Variants in ABHD15 observed in about 807,000 individuals in gnomAD.
The protein encoded by ABHD15 is protein ABHD15.
Under a neutral mutation model 34.4 loss-of-function variants are expected in ABHD15, and 34 were observed. The observed-to-expected ratio is 0.99, with a 90% CI of 0.75 to 1.32. The LOEUF is 1.32. Ranked by LOEUF, ABHD15 falls within the 40% of genes most tolerant of loss-of-function variation. The pLI, the probability that ABHD15 is intolerant of heterozygous loss-of-function variation, is 0.00. For missense variants in ABHD15, 644 were observed against 650.4 expected (o/e 0.99, Z 0.11); for synonymous variants, 314 against 299.2 (o/e 1.05, Z -0.51).
At chr17:29,564,872 C>T (rs1182475307) in intron 1 of ABHD15, among the ~76,000 whole-genome samples, 1 of 152,146 alleles carries the variant, frequency 6.6e-6, no homozygotes, top group Non-Finnish European at 1.5e-5. Context: ...CTAGGAATGT[C>T]ACCTGAGCCC....
chr17:29,566,185 C>G lies in ABHD15; in HGVS notation c.782G>C (p.Cys261Ser). 1.2e-6 allele frequency: 2 copies of G among 1,609,668 alleles called. No individual in the cohort carries two copies. The highest frequency in any genetic ancestry group is 2.2e-5 in the South Asian group (2 of 90,918). ...TCGGCAGCGCAGCACGGGCGAGATGCAGGCGGCGCCTGTCACGTAGCTGGA... is the reference window on the plus strand; with the variant it reads ...TCGGCAGCGCAGCACGGGCGAGATGGAGGCGGCGCCTGTCACGTAGCTGGA... ...GSSSYVTGAA[C>S]ISPVLRCREW... Residue 261 changes from cysteine (C) to serine (S), a missense_variant, in exon 1 of 2, where the codon TGC (cysteine) becomes TCC (serine). Cys to Ser is a moderately radical substitution (Grantham distance 112). Coordinates refer to ENST00000307201, the MANE Select transcript of ABHD15 (RefSeq NM_198147.3).
In ABHD15 at chr17:29,562,771, G is replaced by A. The variant is rs1407925426; in HGVS notation, c.1197C>T (p.Pro399=). 6.2e-7 allele frequency: 1 copy of A among 1,613,826 alleles called. No individual in the cohort carries two copies. Among genetic ancestry groups the A allele is most frequent in the Non-Finnish European group, 8.5e-7 (1 of 1,179,766 alleles). The stretch of plus-strand genomic sequence containing the variant: ...TGACCTCATGGCTCCAGGCTGGCAA[G>A]GGCTCCTGGCGCAGGAAGCCACAGT... The part of the protein sequence containing the change: ...GGHCGFLRQE[P]LPAWSHEVIL... The change falls in exon 2 of 2, where the codon CCC becomes CCT. Residue 399 remains proline, a synonymous_variant. Coordinates refer to ENST00000307201, the MANE Select transcript of ABHD15 (RefSeq NM_198147.3).
chr17:29,566,322 G>C lies in ABHD15; in HGVS notation c.645C>G (p.Leu215=). The C allele has an allele frequency of 6.2e-7, 1 of 1,611,554 alleles. No homozygotes were observed. The highest frequency in any genetic ancestry group is 8.5e-7 in the Non-Finnish European group (1 of 1,179,096). Residue 215 remains leucine (L), a synonymous_variant, in exon 1 of 2, where the codon CTC becomes CTG. Transcript: ENST00000307201. ...RLQPFGDPSD[L]KEAVTYIRFR... ...AGCGGATGTATGTGACCGCCTCCTTGAGGTCGGACGGGTCCCCGAAAGGCT... is the reference window on the plus strand; with the variant it reads ...AGCGGATGTATGTGACCGCCTCCTTCAGGTCGGACGGGTCCCCGAAAGGCT...
At chr17:29,563,800 C>T (rs2032664979) in intron 1 of ABHD15, among the ~76,000 whole-genome samples, 1 of 152,106 alleles carries the variant, frequency 6.6e-6, no homozygotes, top group Non-Finnish European at 1.5e-5. Context: ...GCAGAGGTTG[C>T]AGTGAGCCGA....
rs1273602922 is a variant in ABHD15, at chr17:29,566,398, A to C, written c.569T>G (p.Ile190Ser). The C allele has an allele frequency of 6.2e-7, 1 of 1,611,596 alleles. No individual in the cohort carries two copies. Reference sequence around the variant, plus strand: ...ACCGTGGTGGCCGCGGCGATGGAAGATGACCGGGTAGTAGCCGCGCTCCAG... The same window carrying C: ...ACCGTGGTGGCCGCGGCGATGGAAGCTGACCGGGTAGTAGCCGCGCTCCAG... ...LALERGYYPV[I>S]FHRRGHHGCP... Residue 190 changes from isoleucine to serine, a missense_variant, in exon 1 of 2, where the codon ATC becomes AGC. Ile to Ser is a moderately radical substitution (Grantham distance 142). Coordinates refer to ENST00000307201, the MANE Select transcript of ABHD15 (RefSeq NM_198147.3).
Position 29,566,316 on chromosome 17 carries a change from C to T in ABHD15, c.651G>A (p.Glu217=). Reference sequence around the variant, plus strand: ...GTCGGAAGCGGATGTATGTGACCGCCTCCTTGAGGTCGGACGGGTCCCCGA... The same window carrying T: ...GTCGGAAGCGGATGTATGTGACCGCTTCCTTGAGGTCGGACGGGTCCCCGA... The part of the protein sequence containing the change: ...QPFGDPSDLK[E]AVTYIRFRHP... Residue 217 remains glutamate (E), a synonymous_variant, in exon 1 of 2, where the codon GAG becomes GAA. Transcript: ENST00000307201. 1 of 1,611,792 alleles carries T rather than the reference C, an allele frequency of 6.2e-7. No individual in the cohort carries two copies. Among genetic ancestry groups the T allele is most frequent in the South Asian group, 1.1e-5 (1 of 91,022 alleles).
chr17:29,566,806 C>T lies in ABHD15; in HGVS notation c.161G>A (p.Gly54Asp). 6.6e-7 allele frequency: 1 copy of T among 1,513,808 alleles called. No individual in the cohort carries two copies. The highest frequency in any genetic ancestry group is 2.0e-5 in the Admixed American group (1 of 49,250). 93.8% of individuals were successfully genotyped at this position (1,513,808 alleles called of 1,614,324 possible). A position where few individuals can be genotyped will look rare whatever the true frequency, so the allele number is the denominator to read the frequency against. ...RDDGEEADGGGPADQFSDGRE... is the reference protein window; with the variant it reads ...RDDGEEADGGDPADQFSDGRE... ...CCCGTCGCTGAACTGGTCCGCCGGG[C>T]CTCCGCCGTCCGCCTCCTCCCCGTC... The change falls in exon 1 of 2, where the codon GGC (glycine) becomes GAC (aspartate). Residue 54 changes from glycine to aspartate, a missense_variant. Transcript: ENST00000307201.
Position 29,566,736 on chromosome 17 carries a change from C to T in ABHD15, c.231G>A (p.Ser77=). 3 of 1,560,278 alleles carry T rather than the reference C, an allele frequency of 1.9e-6. No homozygotes were observed. Among genetic ancestry groups the T allele is most frequent in the Non-Finnish European group, 2.6e-6 (3 of 1,160,176 alleles). The part of the protein sequence containing the change: ...PGGCSLVCKP[S]ALAQCLLRAL... ...CGCGCAGCAGGCACTGGGCCAGGGC[C>T]GACGGCTTGCAAACAAGGCTGCACC... Residue 77 remains serine (S), a synonymous_variant, in exon 1 of 2, where the codon TCG becomes TCA. Transcript: ENST00000307201.
Position 29,561,313 on chromosome 17 carries a change from T to C in ABHD15, c.*1248A>G, listed in dbSNP as rs2032625577. On this transcript the variant is annotated 3_prime_UTR_variant, in exon 2 of 2. Transcript: ENST00000307201. ...ATATGTCCTGTTGCCAAAAAAATTTTAATTGCCTAATCCAAACCAGAATAT... is the reference window on the plus strand; with the variant it reads ...ATATGTCCTGTTGCCAAAAAAATTTCAATTGCCTAATCCAAACCAGAATAT... 1.3e-5 allele frequency: 2 copies of C among 152,228 alleles called. No homozygotes were observed. Among genetic ancestry groups the C allele is most frequent in the Non-Finnish European group, 2.9e-5 (2 of 68,044 alleles). 9.4% of individuals were successfully genotyped at this position (152,228 alleles called of 1,614,324 possible). A position where few individuals can be genotyped will look rare whatever the true frequency, so the allele number is the denominator to read the frequency against.
Position 29,562,801 on chromosome 17 carries a change from T to C in ABHD15, c.1167A>G (p.Gly389=), listed in dbSNP as rs769631309. 3.7e-6 allele frequency: 6 copies of C among 1,613,326 alleles called. No homozygotes were observed. In the Admixed American group the frequency reaches 1.0e-4, roughly 27 times the overall value. The change falls in exon 2 of 2, where the codon GGA becomes GGG. Residue 389 remains glycine (G), a synonymous_variant. Coordinates refer to ENST00000307201, the MANE Select transcript of ABHD15 (RefSeq NM_198147.3). The stretch of plus-strand genomic sequence containing the variant: ...CCTGGCGCAGGAAGCCACAGTGGCC[T>C]CCGTGGCGACTGAGCAGGAGGAAGA... ...PYFFLLLSRH[G]GHCGFLRQEP...
chr17:29,563,187 C>G (rs536318520), intron 1 of ABHD15, 101 bp from the exon 2 acceptor site: 1 of 1,362,412 alleles, frequency 7.3e-7, no homozygotes, highest in Non-Finnish European at 1.0e-6. Context: ...CAGGCCAGAT[C>G]TGTCCACAGA....
In ABHD15 at chr17:29,566,844, G is replaced by T; in HGVS notation, c.123C>A (p.Ala41=). 1 of 1,515,152 alleles carries T rather than the reference G, an allele frequency of 6.6e-7. No individual in the cohort carries two copies. The highest frequency in any genetic ancestry group is 8.8e-7 in the Non-Finnish European group (1 of 1,139,758). 93.9% of individuals were successfully genotyped at this position (1,515,152 alleles called of 1,614,324 possible). A position where few individuals can be genotyped will look rare whatever the true frequency, so the allele number is the denominator to read the frequency against. Residue 41 remains alanine (A), a synonymous_variant, in exon 1 of 2, where the codon GCC becomes GCA. Transcript: ENST00000307201. The part of the protein sequence containing the change: ...RAVGERTLPG[A]QDRDDGEEAD... ...CCTCCTCCCCGTCGTCTCGGTCTTGGGCCCCCGGCAGGGTCCTCTCTCCGA... is the reference window on the plus strand; with the variant it reads ...CCTCCTCCCCGTCGTCTCGGTCTTGTGCCCCCGGCAGGGTCCTCTCTCCGA...
Position 29,562,614 on chromosome 17 carries a change from AAG to A in ABHD15, c.1352_1353del (p.Ser451PhefsTer10). ...RGGALQRREVSSSSNLEEIFN... is the reference protein window; with the variant it reads ...RGGALQRREVXSSSNLEEIFN... ...AAGATCTCCTCCAGGTTGGAAGAGG[AAG>A]AGACTTCCCGCCTCTGCAAGGCTCC... On this transcript the variant is annotated frameshift_variant, in exon 2 of 2. Transcript: ENST00000307201. LOFTEE classifies it high-confidence loss of function. The A allele has an allele frequency of 6.2e-6, 10 of 1,613,950 alleles. No homozygotes were observed. The highest frequency in any genetic ancestry group is 8.5e-6 in the Non-Finnish European group (10 of 1,179,982).
Position 29,560,710 on chromosome 17 carries a change from A to G in ABHD15, c.*1851T>C, listed in dbSNP as rs1369535222. On this transcript the variant is annotated 3_prime_UTR_variant, in exon 2 of 2. Transcript: ENST00000307201. The stretch of plus-strand genomic sequence containing the variant: ...TACTCTGTCGCCCAGGCTGGAGTGC[A>G]GTGGTGCGATCTCAGCTCACTGCAA... 6.6e-6 allele frequency: 1 copy of G among 151,362 alleles called. No homozygotes were observed. The highest frequency in any genetic ancestry group is 2.4e-5 in the African/African-American group (1 of 41,104). 9.4% of individuals were successfully genotyped at this position (151,362 alleles called of 1,614,324 possible). A position where few individuals can be genotyped will look rare whatever the true frequency, so the allele number is the denominator to read the frequency against.
At position 29,562,926 on chromosome 17, in the gene ABHD15, C is replaced by T. The variant is rs766113718; in HGVS notation, c.1042G>A (p.Ala348Thr). Residue 348 changes from alanine to threonine, a missense_variant, in exon 2 of 2, where the codon GCA becomes ACA. Transcript: ENST00000307201. ...CAGATACACAGCACAGGCACGGCTG[C>T]CTCATCGACATCCCGGAGCGGGTCG... ...RNDPLRDVDE[A>T]AVPVLCICSA... is the part of the protein sequence containing the mutation. 9.9e-6 allele frequency: 16 copies of T among 1,614,136 alleles called. No homozygotes were observed. The highest frequency in any genetic ancestry group is 1.3e-5 in the Non-Finnish European group (15 of 1,180,048).
chr17:29,564,561 T>C (rs2032674337), intron 1 of ABHD15, among the ~76,000 whole-genome samples: 1 of 152,184 alleles, frequency 6.6e-6, no homozygotes, highest in Admixed American at 6.5e-5. Context: ...TGAAATTAGA[T>C]GTTAATCTCT....
chr17:29,563,639 A>G (rs577082609), intron 1 of ABHD15, among the ~76,000 whole-genome samples: 16 of 152,174 alleles, frequency 1.1e-4, no homozygotes, highest in African/African-American at 2.2e-4. Context: ...AGGCAGGTGG[A>G]TCACGAGGTC....
At chr17:29,564,475 A>C (rs2032673008) in intron 1 of ABHD15, among the ~76,000 whole-genome samples, 2 of 152,130 alleles carry the variant, frequency 1.3e-5, no homozygotes, top group Admixed American at 6.5e-5. Flanking sequence ...ACCCCTGGAG[A>C]GGGCTTGGCA....
Position 29,562,834 on chromosome 17 carries a change from G to T in ABHD15, c.1134C>A (p.Asn378Lys). 6.2e-7 allele frequency: 1 copy of T among 1,613,762 alleles called. No homozygotes were observed. Among genetic ancestry groups the T allele is most frequent in the Non-Finnish European group, 8.5e-7 (1 of 1,179,706 alleles). The change falls in exon 2 of 2, where the codon AAC (asparagine) becomes AAA (lysine). Residue 378 changes from asparagine to lysine, a missense_variant. Physicochemically the swap from Asn to Lys is moderately conservative, Grantham distance 94. Transcript: ENST00000307201. ...HTLTTELFHS[N>K]PYFFLLLSRH... ...GACTGAGCAGGAGGAAGAAGTAGGG[G>T]TTGCTGTGGAAGAGTTCAGTTGTCA... is the stretch of plus-strand genomic sequence containing the variant.
Sources: gnomAD v4.1 joint callset for allele counts (sites outside exome capture counted in the v4.1 genomes callset) on GRCh38, gnomAD v4.1.1 for gene constraint, MANE v1.5 for transcripts, NCBI Gene and HGNC (gene_info 2026-07-23, HGNC 2026-07-21) for gene names.